EPPK1: variants seen among roughly 807,000 people sequenced by gnomAD.
The protein encoded by EPPK1 is epiplakin.
For missense variants in EPPK1, 3,823 were observed against 3,673.3 expected (o/e 1.04, Z -1.05); for synonymous variants, 1,862 against 1,721.2 (o/e 1.08, Z -2.03).
chr8:143,860,096 CT>C lies in EPPK1; in HGVS notation c.13157del (p.Lys4386ArgfsTer29). The C allele has an allele frequency of 1.3e-6, 1 of 743,464 alleles. No individual in the cohort carries two copies. The highest frequency in any genetic ancestry group is 1.8e-6 in the Non-Finnish European group (1 of 541,348). The allele number at this position is 743,464 out of a possible 1,614,324, so 46.1% of individuals were successfully genotyped here. ...GGGCCGTGCCGGGCCGCAGCACGCC[CT>C]TCCACATGGCCTGGTAGATGCTCAT... is the stretch of plus-strand genomic sequence containing the variant. ...EKMSIYQAMW[K>X]GVLRPGTALV... is the part of the protein sequence containing the mutation. On this transcript the variant is annotated frameshift_variant, in exon 2 of 2. Transcript: ENST00000615648. LOFTEE classifies it low-confidence loss of function (END_TRUNC).
rs1043492679 is a variant in EPPK1 at position 143,857,694 on chromosome 8, G to A, written c.*293C>T. 1.1e-5 allele frequency: 4 copies of A among 377,182 alleles called. No homozygotes were observed. Among genetic ancestry groups the A allele is most frequent in the Non-Finnish European group, 1.9e-5 (4 of 212,624 alleles). 23.4% of individuals were successfully genotyped at this position (377,182 alleles called of 1,614,324 possible). On this transcript the variant is annotated 3_prime_UTR_variant, in exon 2 of 2. Transcript: ENST00000615648. The stretch of plus-strand genomic sequence containing the variant: ...AGTGACATTCTGTAAAATGGAAGCA[G>A]TGAATCCAAAACAGACAGAAAAATG...
In EPPK1 at chr8:143,866,582, G is replaced by C; in HGVS notation, c.6672C>G (p.Ser2224Arg). The change falls in exon 2 of 2, where the codon AGC (serine) becomes AGG (arginine). Residue 2224 changes from serine to arginine, a missense_variant. Transcript: ENST00000615648. ...CGGGCACCAGGACGCCCGCGATGCA[G>C]CTGGTGCCCTCCAGGTAGCGCTTGA... ...DRVKRYLEGT[S>R]CIAGVLVPAK... The C allele has an allele frequency of 6.2e-7, 1 of 1,612,046 alleles. No individual in the cohort carries two copies. The highest frequency in any genetic ancestry group is 8.5e-7 in the Non-Finnish European group (1 of 1,179,548).
At position 143,857,563 on chromosome 8, in the gene EPPK1, T is replaced by G; in HGVS notation, c.*424A>C. 1 of 166,478 alleles carries G rather than the reference T, an allele frequency of 6.0e-6. No homozygotes were observed. Among genetic ancestry groups the G allele is most frequent in the Non-Finnish European group, 1.3e-5 (1 of 77,978 alleles). The allele number at this position is 166,478 out of a possible 1,614,324, so 10.3% of individuals were successfully genotyped here. On this transcript the variant is annotated 3_prime_UTR_variant, in exon 2 of 2. Transcript: ENST00000615648. ...TAGACACTGGCTGATGGAAAATGAG[T>G]TTGAAGATGAACGTGAATAGCACAT... is the stretch of plus-strand genomic sequence containing the variant.
chr8:143,874,086 C>A (rs1819434368), intron 1 of EPPK1, among the ~76,000 whole-genome samples: 1 of 152,246 alleles, frequency 6.6e-6, no homozygotes, highest in African/African-American at 2.4e-5. Context: ...GTGTGGCAGT[C>A]CTGCCAGGAG....
Position 143,871,777 on chromosome 8 carries a change from T to G in EPPK1, c.1477A>C (p.Thr493Pro). ...IKYSTRQALS[T>P]ATATVSVGKF... ...CCCACAGAGACGGTGGCTGTGGCCGTGCTCAGGGCCTGCCGAGTGCTGTAC... is the reference window on the plus strand; with the variant it reads ...CCCACAGAGACGGTGGCTGTGGCCGGGCTCAGGGCCTGCCGAGTGCTGTAC... Residue 493 changes from threonine (T) to proline (P), a missense_variant, in exon 2 of 2, where the codon ACG becomes CCG. Physicochemically the swap from Thr to Pro is conservative, Grantham distance 38. Coordinates refer to ENST00000615648, the MANE Select transcript of EPPK1 (RefSeq NM_031308.4). 6.2e-7 allele frequency: 1 copy of G among 1,611,286 alleles called. No homozygotes were observed. Among genetic ancestry groups the G allele is most frequent in the Non-Finnish European group, 8.5e-7 (1 of 1,179,186 alleles).
Position 143,867,808 on chromosome 8 carries a change from C to G in EPPK1, c.5446G>C (p.Glu1816Gln). Residue 1816 changes from glutamate to glutamine, a missense_variant, in exon 2 of 2, where the codon GAG becomes CAG. Physicochemically the swap from Glu to Gln is conservative, Grantham distance 29. Coordinates refer to ENST00000615648, the MANE Select transcript of EPPK1 (RefSeq NM_031308.4). ...AGGCCCCCACTCTGGGCTCCATACT[C>G]CTGGATGAGCTCCCGCTTCCTGTCC... is the stretch of plus-strand genomic sequence containing the variant. ...TEDRKRELIQEYGAQSGGLEK... is the reference protein window; with the variant it reads ...TEDRKRELIQQYGAQSGGLEK... The G allele has an allele frequency of 6.2e-7, 1 of 1,613,656 alleles. No individual in the cohort carries two copies. Among genetic ancestry groups the G allele is most frequent in the Non-Finnish European group, 8.5e-7 (1 of 1,179,876 alleles).
Position 143,869,512 on chromosome 8 carries a change from C to T in EPPK1, c.3742G>A (p.Val1248Met), listed in dbSNP as rs782562924. ...VKACLWGTGC[V>M]AGVLLQPSGA... The stretch of plus-strand genomic sequence containing the variant: ...GAGGGCTGTAGCAGCACACCGGCCA[C>T]GCAGCCTGTGCCCCACAGGCAGGCC... Residue 1248 changes from valine (V) to methionine (M), a missense_variant, in exon 2 of 2, where the codon GTG becomes ATG. Coordinates refer to ENST00000615648, the MANE Select transcript of EPPK1 (RefSeq NM_031308.4). The T allele has an allele frequency of 2.9e-5, 45 of 1,549,722 alleles. No individual in the cohort carries two copies. Among genetic ancestry groups the T allele is most frequent in the East Asian group, 2.3e-4 (10 of 43,808 alleles).
In EPPK1 at chr8:143,865,452, G is replaced by C. The variant is rs1255354073; in HGVS notation, c.7802C>G (p.Ala2601Gly). The C allele has an allele frequency of 6.8e-5, 14 of 206,182 alleles. No individual in the cohort carries two copies. The Admixed American group carries it at 9.6e-4, about 14-fold the overall frequency. The allele number at this position is 206,182 out of a possible 1,614,324, so 12.8% of individuals were successfully genotyped here. A position where few individuals can be genotyped will look rare whatever the true frequency, so the allele number is the denominator to read the frequency against. Residue 2601 changes from alanine (A) to glycine (G), a missense_variant, in exon 2 of 2, where the codon GCC (alanine) becomes GGC (glycine). Transcript: ENST00000615648. Reference sequence around the variant, plus strand: ...CCCCGAGTCGCCGTCCCCTCGCCCGGCTGGCCCTGGCTCCCGCGGGCCGCG... The same window carrying C: ...CCCCGAGTCGCCGTCCCCTCGCCCGCCTGGCCCTGGCTCCCGCGGGCCGCG... ...AWRGPREPGP[A>G]GRGDGDSGRS...
At position 143,868,722 on chromosome 8, in the gene EPPK1, G is replaced by C. The variant is rs1257108270; in HGVS notation, c.4532C>G (p.Ala1511Gly). The C allele has an allele frequency of 4.4e-6, 7 of 1,579,386 alleles. No homozygotes were observed. Among genetic ancestry groups the C allele is most frequent in the Admixed American group, 1.8e-5 (1 of 55,050 alleles). Residue 1511 changes from alanine (A) to glycine (G), a missense_variant, in exon 2 of 2, where the codon GCT becomes GGT. Ala to Gly is a moderately conservative substitution (Grantham distance 60). Coordinates refer to ENST00000615648, the MANE Select transcript of EPPK1 (RefSeq NM_031308.4). Reference protein sequence around the residue: ...VVSAVTTLVEAAERQPLQATF... With the variant: ...VVSAVTTLVEGAERQPLQATF... ...GGCCTGCAGGGGCTGCCTCTCTGCA[G>C]CCTCGACCAGGGTGGTGACTGCGCT... is the stretch of plus-strand genomic sequence containing the variant.
At position 143,866,667 on chromosome 8, in the gene EPPK1, A is replaced by G. The variant is rs782438075; in HGVS notation, c.6587T>C (p.Met2196Thr). Residue 2196 changes from methionine to threonine, a missense_variant, in exon 2 of 2, where the codon ATG (methionine) becomes ACG (threonine). Met to Thr is a moderately conservative substitution (Grantham distance 81). Coordinates refer to ENST00000615648, the MANE Select transcript of EPPK1 (RefSeq NM_031308.4). The stretch of plus-strand genomic sequence containing the variant: ...CCGTCCCGTTTCCAGGTCCTGGAGC[A>G]TTTCCTCCGTGATTATGGCTGAGCT... Reference protein sequence around the residue: ...LLSSAIITEEMLQDLETGRST... With the variant: ...LLSSAIITEETLQDLETGRST... 1 of 1,613,148 alleles carries G rather than the reference A, an allele frequency of 6.2e-7. No individual in the cohort carries two copies. Among genetic ancestry groups the G allele is most frequent in the Non-Finnish European group, 8.5e-7 (1 of 1,179,866 alleles).
chr8:143,868,260 TG>T lies in EPPK1; in HGVS notation c.4993del (p.Gln1665ArgfsTer50). The T allele has an allele frequency of 1.2e-6, 2 of 1,613,238 alleles. No individual in the cohort carries two copies. The highest frequency in any genetic ancestry group is 1.3e-5 in the African/African-American group (1 of 75,076). On this transcript the variant is annotated frameshift_variant, in exon 2 of 2. Coordinates refer to ENST00000615648, the MANE Select transcript of EPPK1 (RefSeq NM_031308.4). LOFTEE classifies it low-confidence loss of function (END_TRUNC). The stretch of plus-strand genomic sequence containing the variant: ...GACGATGAGGTCCTTCTGCATGGCC[TG>T]GAAGAGGGAGATCTGCTGCCCGGTA... ...PYTGQQISLF[Q>X]AMQKDLIVRE...
Position 143,867,637 on chromosome 8 carries a change from G to A in EPPK1, c.5617C>T (p.Leu1873Phe), listed in dbSNP as rs781901196. 15 of 1,613,238 alleles carry A rather than the reference G, an allele frequency of 9.3e-6. No homozygotes were observed. Among genetic ancestry groups the A allele is most frequent in the Non-Finnish European group, 1.3e-5 (15 of 1,179,870 alleles). ...RVIDQKTLHT[L>F]RVGRTGGQAL... is the part of the protein sequence containing the mutation. The stretch of plus-strand genomic sequence containing the variant: ...TGTCCCCCAGTCCTCCCCACACGAA[G>A]TGTGTGCAGGGTCTTCTGATCGATG... The change falls in exon 2 of 2, where the codon CTT (leucine) becomes TTT (phenylalanine). Residue 1873 changes from leucine to phenylalanine, a missense_variant. Transcript: ENST00000615648.
In EPPK1 at chr8:143,872,951, C is replaced by G; in HGVS notation, c.303G>C (p.Gln101His). Residue 101 changes from glutamine to histidine, a missense_variant, in exon 2 of 2, where the codon CAG (glutamine) becomes CAC (histidine). Gln to His is a conservative substitution (Grantham distance 24). Transcript: ENST00000615648. ...QLLPVSKALQQGLVGLELKEK... is the reference protein window; with the variant it reads ...QLLPVSKALQHGLVGLELKEK... ...CCTTCAGCTCCAGCCCCACCAGACC[C>G]TGCTGCAGGGCCTTGGACACAGGGA... The G allele has an allele frequency of 6.2e-7, 1 of 1,609,564 alleles. No homozygotes were observed. The highest frequency in any genetic ancestry group is 8.5e-7 in the Non-Finnish European group (1 of 1,177,680).
Position 143,872,089 on chromosome 8 carries a change from G to A in EPPK1, c.1165C>T (p.Pro389Ser), listed in dbSNP as rs782354138. The change falls in exon 2 of 2, where the codon CCA becomes TCA. Residue 389 changes from proline (P) to serine (S), a missense_variant. By Grantham distance (74) the Pro-to-Ser change is moderately conservative. Coordinates refer to ENST00000615648, the MANE Select transcript of EPPK1 (RefSeq NM_031308.4). Reference sequence around the variant, plus strand: ...GCATCCAAGAGCCGCAGTGCCAGTGGCCTGTCCACTAGCCCCTTCTTCATG... The same window carrying A: ...GCATCCAAGAGCCGCAGTGCCAGTGACCTGTCCACTAGCCCCTTCTTCATG... ...QAMKKGLVDRPLALRLLDAQL... is the reference protein window; with the variant it reads ...QAMKKGLVDRSLALRLLDAQL... 1.3e-6 allele frequency: 2 copies of A among 1,562,310 alleles called. No individual in the cohort carries two copies. Among genetic ancestry groups the A allele is most frequent in the Non-Finnish European group, 1.7e-6 (2 of 1,153,482 alleles).
rs566995078 is a variant in EPPK1, at chr8:143,876,545, C to T, written c.-46+1893G>A. ...CACCTGCTTCCTCCTCCCTTCCCTT[C>T]CTGAGGCCATCCTGAGACCACTCCC... On this transcript the variant is annotated intron_variant, in intron 1 of 1. Coordinates refer to ENST00000615648, the MANE Select transcript of EPPK1 (RefSeq NM_031308.4). Among the ~76,000 whole-genome samples the T allele has an allele frequency of 1.1e-4, 16 of 152,296 alleles. No homozygotes were observed. In the East Asian group the frequency reaches 3.1e-3, roughly 29 times the overall value.
chr8:143,868,319 G>A lies in EPPK1; in HGVS notation c.4935C>T (p.Ala1645=), dbSNP rs188377710. 32 of 1,613,024 alleles carry A rather than the reference G, an allele frequency of 2.0e-5. No homozygotes were observed. The highest frequency in any genetic ancestry group is 7.7e-5 in the South Asian group (7 of 91,078). The change falls in exon 2 of 2, where the codon GCC becomes GCT. Residue 1645 remains alanine (A), a synonymous_variant. Coordinates refer to ENST00000615648, the MANE Select transcript of EPPK1 (RefSeq NM_031308.4). ...GKETYVKLLS[A]ERAVTGYTDP... ...CGGTGTAGCCGGTGACGGCGCGCTC[G>A]GCCGACAGCAGCTTCACGTAGGTTT...
rs782212513 is a variant in EPPK1, at chr8:143,868,580, C to T, written c.4674G>A (p.Ala1558=). The change falls in exon 2 of 2, where the codon GCG becomes GCA. Residue 1558 remains alanine (A), a synonymous_variant. Coordinates refer to ENST00000615648, the MANE Select transcript of EPPK1 (RefSeq NM_031308.4). The part of the protein sequence containing the change: ...SQGTTTVKEV[A]EMDSVKRSLE... The stretch of plus-strand genomic sequence containing the variant: ...GGGACCGCTTCACGCTGTCCATCTC[C>T]GCCACCTCCTTCACAGTCGTTGTCC... 20 of 1,603,700 alleles carry T rather than the reference C, an allele frequency of 1.2e-5. No homozygotes were observed. Among genetic ancestry groups the T allele is most frequent in the Admixed American group, 5.1e-5 (3 of 58,770 alleles).
At chr8:143,876,934 C>G (rs1819492542) in intron 1 of EPPK1, among the ~76,000 whole-genome samples, 1 of 152,228 alleles carries the variant, frequency 6.6e-6, no homozygotes, top group Admixed American at 6.5e-5. Flanking sequence ...GGGCGGGCCC[C>G]TGACCTGCGC....
In EPPK1 at chr8:143,867,420, G is replaced by T; in HGVS notation, c.5834C>A (p.Thr1945Asn). The T allele has an allele frequency of 6.2e-7, 1 of 1,612,774 alleles. No individual in the cohort carries two copies. The highest frequency in any genetic ancestry group is 8.5e-7 in the Non-Finnish European group (1 of 1,179,860). Residue 1945 changes from threonine to asparagine, a missense_variant, in exon 2 of 2, where the codon ACC (threonine) becomes AAC (asparagine). Transcript: ENST00000615648. ...AATGFLLDPC[T>N]RQKLSVDEAV... ...CTCATCCACAGAGAGCTTCTGGCGG[G>T]TGCAGGGGTCCAGGAGGAACCCGGT...
Sources: gnomAD v4.1 joint callset for allele counts (sites outside exome capture counted in the v4.1 genomes callset) on GRCh38, gnomAD v4.1.1 for gene constraint, MANE v1.5 for transcripts, NCBI Gene and HGNC (gene_info 2026-07-23, HGNC 2026-07-21) for gene names.